FOXK1: variants seen among roughly 807,000 people sequenced by gnomAD.
FOXK1 encodes forkhead box K1, also known as forkhead box protein K1.
In FOXK1, 19 loss-of-function variants were observed where a neutral mutation model predicts 51.9. That is an observed-to-expected ratio of 0.37 (90% CI 0.26 to 0.54). FOXK1 has a LOEUF of 0.54. Ranked by LOEUF, FOXK1 falls within the 20% of genes least tolerant of loss-of-function variation. FOXK1 has a pLI of 0.87. For synonymous variants in FOXK1, 537 were observed against 482.6 expected (o/e 1.11, Z -1.48); for missense variants, 870 against 1,032.7 (o/e 0.84, Z 2.16).
rs1781021800 is a variant in FOXK1 at position 4,767,067 on chromosome 7, C to G, written c.*4603C>G. 6.6e-6 allele frequency: 1 copy of G among 152,178 alleles called. No individual in the cohort carries two copies. The highest frequency in any genetic ancestry group is 1.5e-5 in the Non-Finnish European group (1 of 68,056). The allele number at this position is 152,178 out of a possible 1,614,324, so 9.4% of individuals were successfully genotyped here. On this transcript the variant is annotated 3_prime_UTR_variant, in exon 9 of 9. Transcript: ENST00000328914. This position sits in a 1 kb window ranked among gnomAD's most constrained non-coding sequence, Gnocchi z 6.6. The stretch of plus-strand genomic sequence containing the variant: ...TTCGCTTTCAGAGCCGGCGGGAGTG[C>G]AGGTCTGTTTTGCTTCAGAAGCCTC...
chr7:4,709,856 A>G lies in FOXK1; in HGVS notation c.560+26988A>G, dbSNP rs1780152440. 6.6e-6 allele frequency among the ~76,000 whole-genome samples: 1 copy of G among 152,182 alleles called. No homozygotes were observed. Among genetic ancestry groups the G allele is most frequent in the African/African-American group, 2.4e-5 (1 of 41,440 alleles). ...GGTCCAAAAGCCATCCCCACCTCCA[A>G]GGAGGGAGAGAGGATCGAATGAGTT... On this transcript the variant is annotated intron_variant, in intron 1 of 8. Transcript: ENST00000328914. This position sits in a 1 kb window ranked among gnomAD's most constrained non-coding sequence, Gnocchi z 5.6.
At chr7:4,726,909 T>TGTG (rs1780388103) in intron 1 of FOXK1, among the ~76,000 whole-genome samples, 3 of 152,204 alleles carry the variant, frequency 2.0e-5, no homozygotes, top group Non-Finnish European at 4.4e-5. Context: ...ACCTGGTATA[T>TGTG]ATAATAATAG....
intron 7 of FOXK1, chr7:4,759,801 C>A (rs915385615): frequency 2.5e-5 from 16 of 646,988 alleles, no homozygotes; most frequent in South Asian, 2.1e-4. Flanking sequence ...GAGGCCAAAG[C>A]GGGTGGATTA....
chr7:4,698,263 C>T (rs1583183503), intron 1 of FOXK1, among the ~76,000 whole-genome samples: 1 of 151,742 alleles, frequency 6.6e-6, no homozygotes, highest in African/African-American at 2.4e-5. Flanking sequence ...AGCGTTTTCT[C>T]TATATATGTA....
rs538096027 is a variant in FOXK1, at chr7:4,705,392, G to A, written c.560+22524G>A. ...AGACAGGGTCTTGGTATGTTGCCCA[G>A]GCTGGTCTTGAACTCGTGGGCTCAA... is the stretch of plus-strand genomic sequence containing the variant. On this transcript the variant is annotated intron_variant, in intron 1 of 8. Coordinates refer to ENST00000328914, the MANE Select transcript of FOXK1 (RefSeq NM_001037165.2). Among the ~76,000 whole-genome samples the A allele has an allele frequency of 2.6e-5, 4 of 152,114 alleles. No homozygotes were observed. In the South Asian group the frequency reaches 6.2e-4, roughly 24 times the overall value.
Position 4,762,595 on chromosome 7 carries a change from G to A in FOXK1, c.*131G>A, listed in dbSNP as rs1780951292. The A allele has an allele frequency of 1.2e-6, 1 of 823,850 alleles. No individual in the cohort carries two copies. Among genetic ancestry groups the A allele is most frequent in the Non-Finnish European group, 1.9e-6 (1 of 539,766 alleles). The allele number at this position is 823,850 out of a possible 1,614,324, so 51.0% of individuals were successfully genotyped here. ...CGGCCTGTGGGCATCGGCGGCACCT[G>A]GACACACCCAGCCCTTTCCATTTGA... On this transcript the variant is annotated 3_prime_UTR_variant, in exon 9 of 9. Coordinates refer to ENST00000328914, the MANE Select transcript of FOXK1 (RefSeq NM_001037165.2). The surrounding 1 kb of genome is among the most constrained non-coding windows in gnomAD (Gnocchi z 5.7).
At position 4,723,224 on chromosome 7, in the gene FOXK1, T is replaced by C. The variant is rs1434429956; in HGVS notation, c.561-17614T>C. On this transcript the variant is annotated intron_variant, in intron 1 of 8. Transcript: ENST00000328914. This position sits in a 1 kb window ranked among gnomAD's most constrained non-coding sequence, Gnocchi z 4.7. ...GTGGACACCCATGGCGGCTTGCACGTTGCACGTCCCCCGGCTCAGCACCGA... is the reference window on the plus strand; with the variant it reads ...GTGGACACCCATGGCGGCTTGCACGCTGCACGTCCCCCGGCTCAGCACCGA... Among the ~76,000 whole-genome samples, 4 of 151,850 alleles carry C rather than the reference T, an allele frequency of 2.6e-5. No individual in the cohort carries two copies. The highest frequency in any genetic ancestry group is 5.9e-5 in the Non-Finnish European group (4 of 67,974).
Position 4,682,468 on chromosome 7 carries a change from C to G in FOXK1, c.160C>G (p.Pro54Ala). ...GCCCCAGCCTCCGCCCGGGCCGCCG[C>G]CGCCGCCGCCACCGCCGCTGCCTCC... is the stretch of plus-strand genomic sequence containing the variant. Reference protein sequence around the residue: ...AQPQPPPGPPPPPPPPLPPGA... With the variant: ...AQPQPPPGPPAPPPPPLPPGA... Residue 54 changes from proline (P) to alanine (A), a missense_variant, in exon 1 of 9, where the codon CCG becomes GCG. By Grantham distance (27) the Pro-to-Ala change is conservative. Transcript: ENST00000328914. The surrounding 1 kb of genome is among the most constrained non-coding windows in gnomAD (Gnocchi z 7.6). 3 of 985,278 alleles carry G rather than the reference C, an allele frequency of 3.0e-6. No individual in the cohort carries two copies. Among genetic ancestry groups the G allele is most frequent in the Non-Finnish European group, 3.6e-6 (3 of 831,620 alleles). 61.0% of individuals were successfully genotyped at this position (985,278 alleles called of 1,614,324 possible).
intron 1 of FOXK1, among the ~76,000 whole-genome samples, chr7:4,699,640 T>C (rs1779996919): frequency 6.6e-6 from 1 of 152,134 alleles, no homozygotes; most frequent in African/African-American, 2.4e-5. Context: ...AGTGCCGGGA[T>C]TACAGGCATG....
chr7:4,734,052 G>A lies in FOXK1; in HGVS notation c.561-6786G>A, dbSNP rs987904946. Among the ~76,000 whole-genome samples the A allele has an allele frequency of 1.3e-5, 2 of 152,134 alleles. No individual in the cohort carries two copies. Among genetic ancestry groups the A allele is most frequent in the African/African-American group, 2.4e-5 (1 of 41,446 alleles). On this transcript the variant is annotated intron_variant, in intron 1 of 8. Transcript: ENST00000328914. This position sits in a 1 kb window ranked among gnomAD's most constrained non-coding sequence, Gnocchi z 5.2. Reference sequence around the variant, plus strand: ...GGGAAGGCCATCAGACTTCCAGCTCGTCACCCATGTCCTCAACCCCTAACC... The same window carrying A: ...GGGAAGGCCATCAGACTTCCAGCTCATCACCCATGTCCTCAACCCCTAACC...
chr7:4,737,447 TGC>T lies in FOXK1; in HGVS notation c.561-3389_561-3388del, dbSNP rs1410196846. ...GTAGGTGTGTGTGCATGCGTGTGTG[TGC>T]GTGCACGTGTGCATGTGTGTGTGTG... On this transcript the variant is annotated intron_variant, in intron 1 of 8. Transcript: ENST00000328914. Among the ~76,000 whole-genome samples, 3 of 150,014 alleles carry T rather than the reference TGC, an allele frequency of 2.0e-5. No homozygotes were observed. In the East Asian group the frequency reaches 6.1e-4, roughly 30 times the overall value.
rs1780163915 is a variant in FOXK1 at position 4,710,737 on chromosome 7, T to A, written c.560+27869T>A. Among the ~76,000 whole-genome samples, 4 of 152,104 alleles carry A rather than the reference T, an allele frequency of 2.6e-5. No individual in the cohort carries two copies. The South Asian group carries it at 8.3e-4, about 31-fold the overall frequency. On this transcript the variant is annotated intron_variant, in intron 1 of 8. Coordinates refer to ENST00000328914, the MANE Select transcript of FOXK1 (RefSeq NM_001037165.2). ...TTCAGGGCGAGGGTGCGGTGGTGGCTCTGCAGCCCCAGCGGTGCAGGTTCT... is the reference window on the plus strand; with the variant it reads ...TTCAGGGCGAGGGTGCGGTGGTGGCACTGCAGCCCCAGCGGTGCAGGTTCT...
At chr7:4,760,746 G>T (rs1373995444) in intron 7 of FOXK1, among the ~76,000 whole-genome samples, 2 of 152,156 alleles carry the variant, frequency 1.3e-5, no homozygotes, top group South Asian at 4.1e-4. Flanking sequence ...AGCTACTCAG[G>T]AGGCTGAGGC....
Position 4,762,739 on chromosome 7 carries a change from C to T in FOXK1, c.*275C>T. ...CTCCCTCGGCACCACCTCCTCTCCC[C>T]AGGCCTCCCTGTCGGGCATGGGGAG... On this transcript the variant is annotated 3_prime_UTR_variant, in exon 9 of 9. Transcript: ENST00000328914. The surrounding 1 kb of genome is among the most constrained non-coding windows in gnomAD (Gnocchi z 5.7). The T allele has an allele frequency of 2.2e-6, 1 of 453,798 alleles. No individual in the cohort carries two copies. Among genetic ancestry groups the T allele is most frequent in the South Asian group, 2.5e-5 (1 of 39,272 alleles). The allele number at this position is 453,798 out of a possible 1,614,324, so 28.1% of individuals were successfully genotyped here.
At chr7:4,696,435 G>A (rs939827951) in intron 1 of FOXK1, among the ~76,000 whole-genome samples, 6 of 152,130 alleles carry the variant, frequency 3.9e-5, no homozygotes, top group African/African-American at 1.2e-4. Context: ...GTGTGTGCGC[G>A]TGACATGTCT....
chr7:4,742,844 T>G (rs980611960), intron 2 of FOXK1, among the ~76,000 whole-genome samples: 2 of 152,230 alleles, frequency 1.3e-5, no homozygotes, highest in African/African-American at 4.8e-5. Context: ...ACCTACAAGT[T>G]ACAAGGTGGG....
Position 4,683,862 on chromosome 7 carries a change from A to C in FOXK1, c.560+994A>C, listed in dbSNP as rs934424245. 1.3e-5 allele frequency among the ~76,000 whole-genome samples: 2 copies of C among 152,102 alleles called. No homozygotes were observed. The highest frequency in any genetic ancestry group is 6.5e-5 in the Admixed American group (1 of 15,268). On this transcript the variant is annotated intron_variant, in intron 1 of 8. Coordinates refer to ENST00000328914, the MANE Select transcript of FOXK1 (RefSeq NM_001037165.2). This position sits in a 1 kb window ranked among gnomAD's most constrained non-coding sequence, Gnocchi z 4.5. ...CTAGGAGTGTGGGCTGTGCTGAAGG[A>C]GCAGAGGCCTGGCGGGGAGGGGCGA...
chr7:4,714,553 G>T (rs1413378635), intron 1 of FOXK1, among the ~76,000 whole-genome samples: 2 of 152,234 alleles, frequency 1.3e-5, no homozygotes, highest in African/African-American at 4.8e-5. Context: ...GGGATTACGG[G>T]CGTGAGCCAC....
At chr7:4,687,317 GA>G (rs1333736758) in intron 1 of FOXK1, among the ~76,000 whole-genome samples, 1 of 151,392 alleles carries the variant, frequency 6.6e-6, no homozygotes, top group African/African-American at 2.4e-5. Flanking sequence ...TTTTGCAACG[GA>G]GTCTCACTCT....
Sources: gnomAD v4.1 joint callset for allele counts (sites outside exome capture counted in the v4.1 genomes callset) on GRCh38, gnomAD v4.1.1 for gene constraint, Gnocchi (gnomAD v3.1) non-coding constraint, MANE v1.5 for transcripts, NCBI Gene and HGNC (gene_info 2026-07-23, HGNC 2026-07-21) for gene names.